The following SAV1 variants were observed in gnomAD, a reference collection of about 807,000 sequenced individuals.
SAV1 encodes the protein protein salvador homolog 1.
Under a neutral mutation model 47.3 loss-of-function variants are expected in SAV1, and 23 were observed. That is an observed-to-expected ratio of 0.49 (90% CI 0.35 to 0.69). The LOEUF is 0.69. SAV1 is among the 30% of genes least tolerant of loss of function. SAV1 has a pLI of 0.01. For missense variants in SAV1, 448 were observed against 457.4 expected (o/e 0.98, Z 0.19); for synonymous variants, 155 against 159.2 (o/e 0.97, Z 0.20).
chr14:50,645,165 C>T (rs74612480), intron 2 of SAV1, 151 bp from the exon 3 acceptor site: 30,590 of 689,488 alleles, frequency 0.044, 843 homozygotes, highest in African/African-American at 0.069. Flanking sequence ...TTTCATAAAA[C>T]TAGTCGGTAT....
intron 2 of SAV1, among the ~76,000 whole-genome samples, chr14:50,656,685 G>A (rs1413615651): frequency 1.3e-5 from 2 of 151,934 alleles, no homozygotes; most frequent in African/African-American, 2.4e-5. Context: ...CTCATGATCC[G>A]CCCGTCTCAG....
chr14:50,665,199 T>C lies in SAV1; in HGVS notation c.515A>G (p.Asn172Ser). Residue 172 changes from asparagine (N) to serine (S), a missense_variant, in exon 2 of 5, where the codon AAT becomes AGT. Coordinates refer to ENST00000324679, the MANE Select transcript of SAV1 (RefSeq NM_021818.4). ...GCTACCTGAAGCATGCCTCCCCTGATTCTGTGGCATTCTTTGGAAGAGATC... is the reference window on the plus strand; with the variant it reads ...GCTACCTGAAGCATGCCTCCCCTGACTCTGTGGCATTCTTTGGAAGAGATC... ...NHDLFQRMPQ[N>S]QGRHASGIGR... is the part of the protein sequence containing the mutation. 6.3e-7 allele frequency: 1 copy of C among 1,580,938 alleles called. No homozygotes were observed. The highest frequency in any genetic ancestry group is 2.0e-5 in the Admixed American group (1 of 51,128).
intron 3 of SAV1, among the ~76,000 whole-genome samples, chr14:50,641,662 T>C (rs1407412169): frequency 1.3e-5 from 2 of 152,126 alleles, no homozygotes; most frequent in Non-Finnish European, 2.9e-5. Flanking sequence ...ATGAAATAAA[T>C]ACCATTCCAC....
rs1218851533 is a variant in SAV1 at position 50,635,009 on chromosome 14, TA to T, written c.*173del. 1.8e-5 allele frequency: 11 copies of T among 594,696 alleles called. No individual in the cohort carries two copies. The highest frequency in any genetic ancestry group is 2.6e-5 in the Non-Finnish European group (9 of 340,080). 36.8% of individuals were successfully genotyped at this position (594,696 alleles called of 1,614,324 possible). A position where few individuals can be genotyped will look rare whatever the true frequency, so the allele number is the denominator to read the frequency against. ...CATATTGGCTCTTAAAATGATAGAC[TA>T]ATTTTTCTCATTCAATAAAAGAAAA... is the stretch of plus-strand genomic sequence containing the variant. On this transcript the variant is annotated 3_prime_UTR_variant, in exon 5 of 5. Transcript: ENST00000324679.
intron 2 of SAV1, among the ~76,000 whole-genome samples, chr14:50,659,389 C>T (rs1019767987): frequency 3.9e-5 from 6 of 152,132 alleles, no homozygotes; most frequent in African/African-American, 1.2e-4. Flanking sequence ...ATTAAAATTA[C>T]GGTAGGGGCC....
chr14:50,656,984 T>A (rs2039818055), intron 2 of SAV1, among the ~76,000 whole-genome samples: 1 of 149,256 alleles, frequency 6.7e-6, no homozygotes, highest in African/African-American at 2.5e-5. Flanking sequence ...ATAACTAACA[T>A]CCCAAGTATG....
Position 50,640,904 on chromosome 14 carries a change from A to G in SAV1, c.807-11T>C. The G allele has an allele frequency of 1.3e-6, 2 of 1,593,212 alleles. No individual in the cohort carries two copies. The highest frequency in any genetic ancestry group is 2.3e-5 in the South Asian group (2 of 87,422). ...TCATACCGAGGTACACTAAGAAGAA[A>G]GGAGTGACATTCTTTAGGATAAAGG... On this transcript the variant is annotated splice_polypyrimidine_tract_variant and intron_variant, in intron 3 of 4. Coordinates refer to ENST00000324679, the MANE Select transcript of SAV1 (RefSeq NM_021818.4).
At chr14:50,644,201 AT>A (rs2140251147) in intron 3 of SAV1, among the ~76,000 whole-genome samples, 1 of 152,350 alleles carries the variant, frequency 6.6e-6, no homozygotes, top group South Asian at 2.1e-4. Flanking sequence ...AACAAAGCAG[AT>A]CTACCCAGCC....
chr14:50,662,558 T>C (rs1334573238), intron 2 of SAV1: 1 of 152,254 alleles, frequency 6.6e-6, no homozygotes, highest in Non-Finnish European at 1.5e-5. Flanking sequence ...GAAAGTTGCT[T>C]TAAAGTCTGT....
chr14:50,642,666 A>G (rs1200515112), intron 3 of SAV1, among the ~76,000 whole-genome samples: 2 of 152,218 alleles, frequency 1.3e-5, no homozygotes, highest in East Asian at 3.8e-4. Flanking sequence ...TGGTGTATAT[A>G]TAACAATGGG....
chr14:50,661,673 C>A, intron 2 of SAV1, among the ~76,000 whole-genome samples: 1 of 152,148 alleles, frequency 6.6e-6, no homozygotes, highest in Non-Finnish European at 1.5e-5. Flanking sequence ...TTCCCAGCAT[C>A]GTTTATTGAA....
chr14:50,658,589 C>A (rs886962046), intron 2 of SAV1, among the ~76,000 whole-genome samples: 6 of 152,134 alleles, frequency 3.9e-5, no homozygotes, highest in Non-Finnish European at 7.4e-5. Context: ...AAGGTGTTTC[C>A]TGAAAATCTA....
At chr14:50,663,811 A>C (rs1338160480) in intron 2 of SAV1, among the ~76,000 whole-genome samples, 2 of 152,226 alleles carry the variant, frequency 1.3e-5, no homozygotes, top group African/African-American at 2.4e-5. Context: ...TGTCTTTCCG[A>C]AATGTGCAAG....
intron 2 of SAV1, among the ~76,000 whole-genome samples, chr14:50,647,087 A>G (rs1297541523): frequency 6.6e-6 from 1 of 152,244 alleles, no homozygotes; most frequent in Non-Finnish European, 1.5e-5. Flanking sequence ...CACCTTACAT[A>G]CAAATTAACT....
chr14:50,646,554 C>T (rs895764722), intron 2 of SAV1, among the ~76,000 whole-genome samples: 4 of 151,946 alleles, frequency 2.6e-5, no homozygotes, highest in African/African-American at 9.7e-5. Context: ...GGCGTGGTGG[C>T]GGACGCCTGT....
chr14:50,662,940 T>C (rs2140265168), intron 2 of SAV1: 1 of 152,418 alleles, frequency 6.6e-6, no homozygotes, highest in South Asian at 2.1e-4. Flanking sequence ...GGCAGTCATG[T>C]GCTGTGCTAA....
chr14:50,652,874 T>C (rs776489835), intron 2 of SAV1, among the ~76,000 whole-genome samples: 1 of 151,962 alleles, frequency 6.6e-6, no homozygotes, highest in East Asian at 1.9e-4. Context: ...CTACTGAATA[T>C]ACAAAAATTA....
chr14:50,652,146 G>A (rs79175174), intron 2 of SAV1, among the ~76,000 whole-genome samples: 1,571 of 152,272 alleles, frequency 0.01, 12 homozygotes, highest in Non-Finnish European at 0.016. Context: ...AAGGCAAAAA[G>A]AAGGTAGTTC....
chr14:50,641,902 C>T (rs1176825873), intron 3 of SAV1, among the ~76,000 whole-genome samples: 1 of 152,126 alleles, frequency 6.6e-6, no homozygotes, highest in African/African-American at 2.4e-5. Context: ...TAAAGAAACA[C>T]GTGTGCACAT....
Sources: gnomAD v4.1 joint callset for allele counts (sites outside exome capture counted in the v4.1 genomes callset) on GRCh38, gnomAD v4.1.1 for gene constraint, MANE v1.5 for transcripts, NCBI Gene and HGNC (gene_info 2026-07-23, HGNC 2026-07-21) for gene names.